The following STK3 variants were observed in gnomAD, a reference collection of about 807,000 sequenced individuals.
STK3 encodes the protein serine/threonine kinase 3, also known as serine/threonine-protein kinase 3.
STK3 carries 41 observed loss-of-function variants against 58.0 expected under a neutral mutation model. That is an observed-to-expected ratio of 0.71 (90% CI 0.55 to 0.92). The LOEUF (loss-of-function observed/expected upper bound fraction) is 0.92. Among genes scored for constraint, STK3 ranks in the 40% least tolerant of loss-of-function variants. The pLI, the probability that STK3 is intolerant of heterozygous loss-of-function variation, is 0.00. For synonymous variants in STK3, 170 were observed against 191.0 expected, an observed-to-expected ratio of 0.89 and a Z score of 0.91; for missense variants, 479 against 602.7, an observed-to-expected ratio of 0.79 and a Z score of 2.15.
chr8:98,381,483 C>T (rs989569969), intron 1 of STK3, among the ~76,000 whole-genome samples: 1 of 152,156 alleles, frequency 6.6e-6, no homozygotes, highest in African/African-American at 2.4e-5. Context: ...GACTCATTTG[C>T]CAGGTGCAGG....
At chr8:98,746,044 T>C (rs546708342) in intron 4 of STK3, among the ~76,000 whole-genome samples, 1 of 152,206 alleles carries the variant, frequency 6.6e-6, no homozygotes. Flanking sequence ...AATACGATAC[T>C]ATAATCTTAT....
intron 1 of STK3, among the ~76,000 whole-genome samples, chr8:98,903,487 GTTCTTCTTCTTCTTCTTCTTC>G (rs71572029): frequency 2.9e-5 from 4 of 139,646 alleles, no homozygotes; most frequent in Non-Finnish European, 6.2e-5. Context: ...AATTTAGGAA[GTTCTTCTTCTTCTTCTTCTTC>G]TTCTTCTTCT....
intron 6 of STK3, among the ~76,000 whole-genome samples, chr8:98,654,603 A>G (rs982455281): frequency 6.6e-6 from 1 of 152,196 alleles, no homozygotes; most frequent in Non-Finnish European, 1.5e-5. Flanking sequence ...TTAGCCCAAA[A>G]TCTCCTTAAG....
At chr8:98,622,720 C>T (rs1299002405) in intron 6 of STK3, among the ~76,000 whole-genome samples, 1 of 152,100 alleles carries the variant, frequency 6.6e-6, no homozygotes, top group Non-Finnish European at 1.5e-5. Context: ...GTTCGCCTAT[C>T]CTAATGTATT....
intron 1 of STK3, among the ~76,000 whole-genome samples, chr8:98,918,782 C>CA (rs1158699669): frequency 1.3e-5 from 2 of 151,792 alleles, no homozygotes; most frequent in African/African-American, 4.8e-5. Context: ...AAGACAAAAA[C>CA]AAAAACAAAA....
chr8:98,864,160 T>C (rs1235569187), intron 3 of STK3, among the ~76,000 whole-genome samples: 1 of 130,084 alleles, frequency 7.7e-6, no homozygotes, highest in African/African-American at 3.0e-5. Flanking sequence ...ATTGCACCAC[T>C]GCACTCCAGC....
intron 3 of STK3, among the ~76,000 whole-genome samples, chr8:98,873,025 T>C (rs1374302635): frequency 6.6e-6 from 1 of 152,224 alleles, no homozygotes; most frequent in Non-Finnish European, 1.5e-5. Context: ...TCCCAGAGAT[T>C]CTGGTATGTT....
At chr8:98,533,461 TATGTATGG>T (rs1447482802) in intron 9 of STK3, among the ~76,000 whole-genome samples, 1 of 152,100 alleles carries the variant, frequency 6.6e-6, no homozygotes, top group Non-Finnish European at 1.5e-5. Flanking sequence ...TGTATGTATG[TATGTATGG>T]ATGGATGGGT....
At chr8:98,776,489 A>T (rs951522263) in intron 1 of STK3, among the ~76,000 whole-genome samples, 4 of 152,226 alleles carry the variant, frequency 2.6e-5, no homozygotes, top group African/African-American at 9.6e-5. Flanking sequence ...TCAGCAAGTG[A>T]GCAGGGTATC....
chr8:98,398,167 G>A (rs1817911672), downstream of STK3, among the ~76,000 whole-genome samples: 1 of 152,154 alleles, frequency 6.6e-6, no homozygotes, highest in South Asian at 2.1e-4. Flanking sequence ...AAACTGAGCA[G>A]GAAAACTTTC....
intron 6 of STK3, among the ~76,000 whole-genome samples, chr8:98,648,490 A>G (rs1473997254): frequency 6.6e-6 from 1 of 152,188 alleles, no homozygotes; most frequent in Non-Finnish European, 1.5e-5. Flanking sequence ...AACTGCCAAA[A>G]CTGCTTTCCA....
At chr8:98,777,700 C>T (rs1831793869) in intron 1 of STK3, among the ~76,000 whole-genome samples, 1 of 152,110 alleles carries the variant, frequency 6.6e-6, no homozygotes, top group Non-Finnish European at 1.5e-5. Flanking sequence ...CAAAGAGAGA[C>T]TTCTAAGACA....
At chr8:98,814,593 A>G (rs1021062256) in intron 1 of STK3, among the ~76,000 whole-genome samples, 1 of 151,498 alleles carries the variant, frequency 6.6e-6, no homozygotes, top group African/African-American at 2.4e-5. Flanking sequence ...TGCAGCCACA[A>G]CCCCCCAGGC....
chr8:98,608,901 T>C (rs1816965459), intron 6 of STK3, among the ~76,000 whole-genome samples: 1 of 152,244 alleles, frequency 6.6e-6, no homozygotes, highest in Non-Finnish European at 1.5e-5. Context: ...ATCTGATTAC[T>C]TGAGGGTTAA....
intron 1 of STK3, among the ~76,000 whole-genome samples, chr8:98,796,548 A>T (rs1833176800): frequency 1.3e-5 from 2 of 152,218 alleles, no homozygotes; most frequent in African/African-American, 4.8e-5. Context: ...CATTCTGGAC[A>T]TCAGCCTTGG....
chr8:98,741,086 T>C (rs1376333218), intron 4 of STK3, among the ~76,000 whole-genome samples: 1 of 152,154 alleles, frequency 6.6e-6, no homozygotes, highest in Non-Finnish European at 1.5e-5. Flanking sequence ...AGCACCCAGA[T>C]TCATAAAGCA....
chr8:98,720,497 T>A (rs1421703250), intron 4 of STK3, among the ~76,000 whole-genome samples: 1 of 152,126 alleles, frequency 6.6e-6, no homozygotes, highest in East Asian at 1.9e-4. Flanking sequence ...ACGCCTGTAA[T>A]CCCAGCACTT....
chr8:98,507,272 A>T (rs1453154388), intron 10 of STK3, among the ~76,000 whole-genome samples: 1 of 152,182 alleles, frequency 6.6e-6, no homozygotes, highest in Non-Finnish European at 1.5e-5. Context: ...GATGCAGAAG[A>T]ACTTCCCAGC....
Position 98,742,428 on chromosome 8 carries a change from T to A in STK3, c.351+6848A>T, listed in dbSNP as rs1280524581. 1.6e-5 allele frequency among the ~76,000 whole-genome samples: 2 copies of A among 123,434 alleles called. 1 individual carries two copies. Among genetic ancestry groups the A allele is most frequent in the Admixed American group, 1.8e-4 (2 of 10,876 alleles). The allele number at this position is 123,434 out of a possible 152,430, so 81.0% of individuals were successfully genotyped here. A position where few individuals can be genotyped will look rare whatever the true frequency, so the allele number is the denominator to read the frequency against. On this transcript the variant is annotated intron_variant, in intron 4 of 10. Transcript: ENST00000419617. ...CCTGGGATGCAAGGCTGGTTCAACA[T>A]ACGCAAATCAATAAACGTAATCCAT...
Sources: gnomAD v4.1 joint callset for allele counts (sites outside exome capture counted in the v4.1 genomes callset) on GRCh38, gnomAD v4.1.1 for gene constraint, MANE v1.5 for transcripts, NCBI Gene and HGNC (gene_info 2026-07-23, HGNC 2026-07-21) for gene names.